Variants in CEP63 observed in about 807,000 individuals in gnomAD.
The protein encoded by CEP63 is centrosomal protein of 63 kDa.
Under a neutral mutation model 89.1 loss-of-function variants are expected in CEP63, and 84 were observed. That is an observed-to-expected ratio of 0.94 (90% CI 0.79 to 1.13). The LOEUF (loss-of-function observed/expected upper bound fraction) is 1.13, where lower values mean the gene tolerates loss of function less well. Among genes scored for constraint, CEP63 ranks in the 50% most tolerant of loss-of-function variants. CEP63 has a pLI of 0.00. For missense variants in CEP63, 838 were observed against 813.3 expected (o/e 1.03, Z -0.37); for synonymous variants, 267 against 272.5 (o/e 0.98, Z 0.20).
the CEP63 span, among the ~76,000 whole-genome samples, chr3:134,740,518 C>T: frequency 5.9e-5 from 9 of 152,130 alleles, no homozygotes; most frequent in African/African-American, 2.2e-4. Flanking sequence ...AGGATGGTCT[C>T]GATCTCCTGA....
chr3:134,489,757 C>T (rs1936985360), intron 1 of CEP63, among the ~76,000 whole-genome samples: 1 of 152,156 alleles, frequency 6.6e-6, no homozygotes, highest in Non-Finnish European at 1.5e-5. Flanking sequence ...TAATTCTTTG[C>T]CTCTATTTTC....
chr3:134,656,351 A>C, the CEP63 span, among the ~76,000 whole-genome samples: 1 of 152,208 alleles, frequency 6.6e-6, no homozygotes, highest in Non-Finnish European at 1.5e-5. Flanking sequence ...AAAGCAGGCC[A>C]GTCTGGTTGG....
intron 3 of CEP63, among the ~76,000 whole-genome samples, chr3:134,509,745 C>G (rs888074168): frequency 2.6e-5 from 4 of 152,156 alleles, no homozygotes; most frequent in Non-Finnish European, 4.4e-5. Context: ...AAAAGTTAAA[C>G]TCAATTGGAT....
At chr3:134,731,137 C>A in the CEP63 span, among the ~76,000 whole-genome samples, 1 of 152,026 alleles carries the variant, frequency 6.6e-6, no homozygotes, top group South Asian at 2.1e-4. Context: ...ATTTGACAGA[C>A]CAACAAGGAT....
chr3:134,708,010 A>C, the CEP63 span, among the ~76,000 whole-genome samples: 1 of 152,266 alleles, frequency 6.6e-6, no homozygotes, highest in Non-Finnish European at 1.5e-5. Context: ...GCCAAAATGC[A>C]CATGTGTATG....
the CEP63 span, chr3:134,629,757 A>G: frequency 2.1e-6 from 2 of 935,642 alleles, no homozygotes; most frequent in Non-Finnish European, 3.4e-6. Context: ...TGAATGCCTC[A>G]TGACTGATGA....
chr3:134,647,491 T>C, the CEP63 span: 1 of 1,608,354 alleles, frequency 6.2e-7, no homozygotes, highest in Non-Finnish European at 8.5e-7. Context: ...TCCAACACCT[T>C]GGAATCCTGC....
chr3:134,491,972 ATAAAGT>A (rs1380989219), intron 1 of CEP63, among the ~76,000 whole-genome samples: 1 of 152,058 alleles, frequency 6.6e-6, no homozygotes, highest in Non-Finnish European at 1.5e-5. Flanking sequence ...CTGTAAAATG[ATAAAGT>A]TAAATTAGAG....
the CEP63 span, among the ~76,000 whole-genome samples, chr3:134,741,961 T>A: frequency 6.6e-6 from 1 of 151,636 alleles, no homozygotes; most frequent in Non-Finnish European, 1.5e-5. Flanking sequence ...AGTGAGCAAG[T>A]GGCCTGTGGA....
At chr3:134,620,728 A>T in the CEP63 span, 1 of 1,583,838 alleles carries the variant, frequency 6.3e-7, no homozygotes, top group East Asian at 2.2e-5. Context: ...CTAGAGCCAG[A>T]AATTCCACAG....
intron 1 of CEP63, among the ~76,000 whole-genome samples, chr3:134,494,011 TAATC>T (rs2107994992): frequency 6.6e-6 from 1 of 152,300 alleles, no homozygotes; most frequent in East Asian, 1.9e-4. Flanking sequence ...ATACACATAT[TAATC>T]AACACTACTG....
At chr3:134,582,548 A>C (rs1399415306) in intron 10 of CEP63, among the ~76,000 whole-genome samples, 2 of 152,210 alleles carry the variant, frequency 1.3e-5, no homozygotes, top group African/African-American at 4.8e-5. Context: ...CATGGTGTAC[A>C]TGTCCCACAT....
At chr3:134,505,888 T>A (rs762199797) in intron 2 of CEP63, among the ~76,000 whole-genome samples, 1 of 152,170 alleles carries the variant, frequency 6.6e-6, no homozygotes, top group Non-Finnish European at 1.5e-5. Flanking sequence ...CTTATCTGAG[T>A]TGTGCCTCTG....
Position 134,558,229 on chromosome 3 carries a change from G to T in CEP63, c.1555G>T (p.Asp519Tyr). ...GTCTGAAAATCAACAACTACAGAAA[G>T]ATTTGATGAATACCAAATCTCAGCT... The part of the protein sequence containing the change: ...LVSENQQLQK[D>Y]LMNTKSQLEI... Residue 519 changes from aspartate to tyrosine, a missense_variant, in exon 13 of 15, where the codon GAT becomes TAT. Physicochemically the swap from Asp to Tyr is radical, Grantham distance 160. Transcript: ENST00000675561. The T allele has an allele frequency of 1.9e-6, 3 of 1,613,584 alleles. No individual in the cohort carries two copies. The highest frequency in any genetic ancestry group is 2.5e-6 in the Non-Finnish European group (3 of 1,179,610).
At chr3:134,765,425 C>A in the CEP63 span, among the ~76,000 whole-genome samples, 9 of 152,192 alleles carry the variant, frequency 5.9e-5, no homozygotes, top group Non-Finnish European at 1.3e-4. Context: ...AGGGGAAGCA[C>A]AGGCTGCTCC....
the CEP63 span, among the ~76,000 whole-genome samples, chr3:134,612,285 A>G: frequency 2.0e-5 from 3 of 152,164 alleles, no homozygotes; most frequent in Non-Finnish European, 4.4e-5. Flanking sequence ...GAGAAACTAG[A>G]TCCCAGTGTT....
the CEP63 span, among the ~76,000 whole-genome samples, chr3:134,768,737 C>T: frequency 6.6e-6 from 1 of 152,178 alleles, no homozygotes; most frequent in Non-Finnish European, 1.5e-5. Context: ...CCTGGTTATC[C>T]AATGAAACAC....
chr3:134,647,527 G>C, the CEP63 span: 7 of 1,417,636 alleles, frequency 4.9e-6, no homozygotes, highest in Non-Finnish European at 7.0e-6. Context: ...TCTGAGGTGG[G>C]AGACTCAGGG....
chr3:134,583,537 A>G (rs954977110), intron 10 of CEP63, among the ~76,000 whole-genome samples: 5 of 152,048 alleles, frequency 3.3e-5, no homozygotes, highest in Non-Finnish European at 5.9e-5. Flanking sequence ...CCATTGGTCT[A>G]TATATCTGTT....
Sources: gnomAD v4.1 joint callset for allele counts (sites outside exome capture counted in the v4.1 genomes callset) on GRCh38, gnomAD v4.1.1 for gene constraint, MANE v1.5 for transcripts, NCBI Gene and HGNC (gene_info 2026-07-23, HGNC 2026-07-21) for gene names.